Variants in PDPR observed in about 807,000 individuals in gnomAD.
PDPR encodes the protein pyruvate dehydrogenase phosphatase regulatory subunit, mitochondrial.
In PDPR, 50 loss-of-function variants were observed where a neutral mutation model predicts 102.2. The ratio of observed to expected loss-of-function variants is 0.49; its 90% CI spans 0.39 to 0.62. The LOEUF (loss-of-function observed/expected upper bound fraction) is 0.62. Among genes scored for constraint, PDPR ranks in the 20% least tolerant of loss-of-function variants. The pLI is 0.00. For missense variants in PDPR, 625 were observed against 1,098.2 expected (o/e 0.57, Z 6.09); for synonymous variants, 259 against 406.0 (o/e 0.64, Z 4.35).
At chr16:70,116,039 T>C (rs978687211) in intron 2 of PDPR, among the ~76,000 whole-genome samples, 13 of 149,794 alleles carry the variant, frequency 8.7e-5, no homozygotes, top group Non-Finnish European at 1.8e-4. Flanking sequence ...TTCACTCTTT[T>C]GAAGGTCATA....
chr16:70,134,631 T>G (rs2152087661), intron 9 of PDPR, among the ~76,000 whole-genome samples: 1 of 151,424 alleles, frequency 6.6e-6, no homozygotes, highest in South Asian at 2.1e-4. Flanking sequence ...CGTCTAAATA[T>G]AAAAATTAGC....
At chr16:70,151,008 C>T (rs868520130) in intron 17 of PDPR, among the ~76,000 whole-genome samples, 10 of 152,286 alleles carry the variant, frequency 6.6e-5, no homozygotes, top group South Asian at 2.1e-4. Flanking sequence ...GATCTCGGCT[C>T]ACTGCAAGCC....
intron 9 of PDPR, among the ~76,000 whole-genome samples, chr16:70,135,833 C>T (rs1292606422): frequency 6.6e-6 from 1 of 152,218 alleles, no homozygotes; most frequent in Non-Finnish European, 1.5e-5. Context: ...TTTGGGAGGC[C>T]GAGGCAGGCA....
chr16:70,119,908 T>G (rs867394286), intron 2 of PDPR, among the ~76,000 whole-genome samples: 171 of 117,372 alleles, frequency 1.5e-3, no homozygotes, highest in Non-Finnish European at 2.3e-3. Flanking sequence ...TTTGTTTTTT[T>G]TTTGTTTGTT....
intron 17 of PDPR, among the ~76,000 whole-genome samples, chr16:70,148,925 C>T (rs193061618): frequency 1.5e-3 from 228 of 150,484 alleles, no homozygotes; most frequent in African/African-American, 5.1e-3. Flanking sequence ...GACAGGGTCT[C>T]ACTCTTTTGC....
intron 6 of PDPR, among the ~76,000 whole-genome samples, chr16:70,129,627 G>T (rs781269853): frequency 1.0e-3 from 153 of 152,336 alleles, no homozygotes; most frequent in Non-Finnish European, 1.6e-3. Context: ...GGGATTACAG[G>T]CGTGAGCCAC....
At chr16:70,151,682 T>G (rs1453480737) in intron 17 of PDPR, among the ~76,000 whole-genome samples, 1 of 152,284 alleles carries the variant, frequency 6.6e-6, no homozygotes, top group African/African-American at 2.4e-5. Context: ...AGGCCTTGGT[T>G]TCAGCTTTCT....
rs1597328504 is a variant in PDPR, at chr16:70,132,352, T to C, written c.997+52T>C. On this transcript the variant is annotated intron_variant, in intron 9 of 18. Transcript: ENST00000288050. ...TGCCTTATATTTGTTTAAGATGTTATATTTTTCAAAGTATTTTGAAGAATA... is the reference window on the plus strand; with the variant it reads ...TGCCTTATATTTGTTTAAGATGTTACATTTTTCAAAGTATTTTGAAGAATA... 1.3e-5 allele frequency: 20 copies of C among 1,540,254 alleles called. No homozygotes were observed. In the East Asian group the frequency reaches 1.4e-4, roughly 11 times the overall value.
At chr16:70,147,862 C>T (rs1450525699) in intron 16 of PDPR, among the ~76,000 whole-genome samples, 1 of 152,228 alleles carries the variant, frequency 6.6e-6, no homozygotes, top group African/African-American at 2.4e-5. Flanking sequence ...CAACACCTGG[C>T]GAGTGCTGCA....
chr16:70,153,616 G>T (rs1341536842), intron 18 of PDPR, 43 bp downstream of exon 18: 2 of 1,534,500 alleles, frequency 1.3e-6, no homozygotes, highest in Non-Finnish European at 1.8e-6. Context: ...AGCATCCCGA[G>T]TAGTGAATCT....
intron 11 of PDPR, among the ~76,000 whole-genome samples, chr16:70,141,917 T>C (rs1965754841): frequency 1.3e-5 from 2 of 152,248 alleles, no homozygotes; most frequent in Admixed American, 1.3e-4. Flanking sequence ...CTGACCAACA[T>C]GGAGAAACCC....
At chr16:70,149,235 T>C (rs1435786085) in intron 17 of PDPR, among the ~76,000 whole-genome samples, 6 of 150,054 alleles carry the variant, frequency 4.0e-5, no homozygotes, top group Non-Finnish European at 7.4e-5. Flanking sequence ...CATACTGCTA[T>C]TCTTCATCCT....
rs1967190605 is a variant in PDPR at position 70,156,369 on chromosome 16, G to T, written c.2236-106G>T. On this transcript the variant is annotated intron_variant, in intron 18 of 18. Coordinates refer to ENST00000288050, the MANE Select transcript of PDPR (RefSeq NM_017990.5). ...GCTGGCAGGGTTGTGGGAGGAGGCGGCTGTGCCCCATTGCAGTGACACCAG... is the reference window on the plus strand; with the variant it reads ...GCTGGCAGGGTTGTGGGAGGAGGCGTCTGTGCCCCATTGCAGTGACACCAG... 36 of 1,364,650 alleles carry T rather than the reference G, an allele frequency of 2.6e-5. No individual in the cohort carries two copies. In the South Asian group the frequency reaches 5.0e-4, roughly 19 times the overall value. 84.5% of individuals were successfully genotyped at this position (1,364,650 alleles called of 1,614,324 possible).
intron 10 of PDPR, among the ~76,000 whole-genome samples, chr16:70,138,559 G>A (rs1350523386): frequency 6.6e-6 from 1 of 152,046 alleles, no homozygotes; most frequent in African/African-American, 2.4e-5. Context: ...TTACTATGTT[G>A]CCCAGGCTGG....
chr16:70,150,531 A>ATTTTTTTTTTTTTTTTT (rs71151175), intron 17 of PDPR, among the ~76,000 whole-genome samples: 8 of 138,312 alleles, frequency 5.8e-5, no homozygotes, highest in Non-Finnish European at 7.8e-5. Flanking sequence ...TTTTCTCTTA[A>ATTTTTTTTTTTTTTTTT]TTTTTTTTTT....
intron 9 of PDPR, among the ~76,000 whole-genome samples, chr16:70,132,707 C>T (rs748313127): frequency 1.3e-5 from 2 of 152,002 alleles, no homozygotes; most frequent in Admixed American, 6.6e-5. Flanking sequence ...AGGTTGATCT[C>T]GAACTCCAAG....
chr16:70,135,665 CCAATAT>C (rs1276163647), intron 9 of PDPR, among the ~76,000 whole-genome samples: 1 of 152,258 alleles, frequency 6.6e-6, no homozygotes, highest in Non-Finnish European at 1.5e-5. Context: ...TCCTTTCTAA[CCAATAT>C]CTTTTTTCCT....
chr16:70,118,722 G>C (rs763755633), intron 2 of PDPR, among the ~76,000 whole-genome samples: 11 of 152,180 alleles, frequency 7.2e-5, no homozygotes, highest in Non-Finnish European at 1.6e-4. Context: ...GTCACGTGGA[G>C]ATGAGATTAT....
chr16:70,146,249 G>A (rs1966232743), intron 16 of PDPR, 21 bp downstream of exon 16: 1 of 1,613,584 alleles, frequency 6.2e-7, no homozygotes, highest in Non-Finnish European at 8.5e-7. Flanking sequence ...ATAAAGTTCT[G>A]TTTCTTAAAT....
Sources: gnomAD v4.1 joint callset for allele counts (sites outside exome capture counted in the v4.1 genomes callset) on GRCh38, gnomAD v4.1.1 for gene constraint, MANE v1.5 for transcripts, NCBI Gene and HGNC (gene_info 2026-07-23, HGNC 2026-07-21) for gene names.